The following KCNIP4 variants were observed in gnomAD, a reference collection of about 807,000 sequenced individuals.
KCNIP4 encodes potassium voltage-gated channel interacting protein 4.
In KCNIP4, 12 loss-of-function variants were observed where a neutral mutation model predicts 34.0. The observed-to-expected ratio is 0.35, with a 90% confidence interval of 0.23 to 0.57. The LOEUF (loss-of-function observed/expected upper bound fraction) is 0.57. Among genes scored for constraint, KCNIP4 ranks in the 20% least tolerant of loss-of-function variants. The probability of loss-of-function intolerance (pLI) is 0.83; values close to 1 mark genes in which losing one functional copy is unlikely to be tolerated. For synonymous variants in KCNIP4, 124 were observed against 102.2 expected, an observed-to-expected ratio of 1.21 and a Z score of -1.29; for missense variants, 238 against 311.7, an observed-to-expected ratio of 0.76 and a Z score of 1.78.
intron 1 of KCNIP4, among the ~76,000 whole-genome samples, chr4:21,758,556 A>T (rs141469872): frequency 6.6e-6 from 1 of 152,170 alleles, no homozygotes; most frequent in Admixed American, 6.5e-5. Context: ...TCAGATTTTA[A>T]TAGGCATACT....
At chr4:21,518,421 A>G (rs1303673216) in intron 1 of KCNIP4, among the ~76,000 whole-genome samples, 1 of 152,124 alleles carries the variant, frequency 6.6e-6, no homozygotes, top group East Asian at 1.9e-4. Flanking sequence ...CTAATCATCA[A>G]GGAAACACAT....
At chr4:21,699,657 G>A (rs1712668416) in intron 1 of KCNIP4, among the ~76,000 whole-genome samples, 1 of 152,154 alleles carries the variant, frequency 6.6e-6, no homozygotes, top group African/African-American at 2.4e-5. Flanking sequence ...GCATCCTTAA[G>A]GAACAGAGAG....
chr4:21,615,591 A>C (rs941827232), intron 1 of KCNIP4, among the ~76,000 whole-genome samples: 3 of 152,116 alleles, frequency 2.0e-5, no homozygotes, highest in African/African-American at 7.2e-5. Context: ...AAAGTAACAA[A>C]TATTCTAGAT....
At chr4:21,849,817 A>T (rs899528000) in intron 1 of KCNIP4, 1 of 152,102 alleles carries the variant, frequency 6.6e-6, no homozygotes, top group African/African-American at 2.4e-5. Context: ...AATTAATTAC[A>T]TATTATCAAA....
chr4:21,785,662 C>G (rs1440142717), intron 1 of KCNIP4, among the ~76,000 whole-genome samples: 2 of 151,750 alleles, frequency 1.3e-5, no homozygotes, highest in East Asian at 3.9e-4. Flanking sequence ...CTCCCTTTAC[C>G]CAGCCCTAAG....
intron 1 of KCNIP4, among the ~76,000 whole-genome samples, chr4:20,966,140 G>C (rs1184345503): frequency 6.6e-6 from 1 of 152,140 alleles, no homozygotes; most frequent in African/African-American, 2.4e-5. Context: ...ATAGATGTAG[G>C]ATTTGGATGT....
At chr4:21,687,997 T>C (rs918975461) in intron 1 of KCNIP4, among the ~76,000 whole-genome samples, 1 of 152,210 alleles carries the variant, frequency 6.6e-6, no homozygotes, top group Non-Finnish European at 1.5e-5. Context: ...CTTGGCTCCC[T>C]GTGAGATACT....
intron 1 of KCNIP4, among the ~76,000 whole-genome samples, chr4:21,511,487 G>A (rs1734309051): frequency 6.6e-6 from 1 of 151,674 alleles, no homozygotes; most frequent in Admixed American, 6.5e-5. Flanking sequence ...ATGAAAAAGT[G>A]TATATTTCCA....
At chr4:21,332,522 C>T (rs1449985669) in intron 1 of KCNIP4, among the ~76,000 whole-genome samples, 1 of 151,950 alleles carries the variant, frequency 6.6e-6, no homozygotes, top group Non-Finnish European at 1.5e-5. Context: ...AACCTCCCTT[C>T]AATCCCCTCT....
chr4:21,084,816 A>G (rs901529082), intron 1 of KCNIP4, among the ~76,000 whole-genome samples: 3 of 151,346 alleles, frequency 2.0e-5, no homozygotes, highest in Non-Finnish European at 4.4e-5. Context: ...ATTTATTCTC[A>G]ACACATGTTT....
chr4:21,341,000 T>A (rs771563358), intron 1 of KCNIP4, among the ~76,000 whole-genome samples: 6 of 152,116 alleles, frequency 3.9e-5, no homozygotes, highest in Admixed American at 6.6e-5. Flanking sequence ...ATTAGTTTTG[T>A]GGATGGATGG....
intron 1 of KCNIP4, among the ~76,000 whole-genome samples, chr4:21,124,315 G>A (rs1267645028): frequency 6.6e-6 from 1 of 152,132 alleles, no homozygotes; most frequent in Non-Finnish European, 1.5e-5. Context: ...CCCTGATGGT[G>A]TCTCAGAGAT....
intron 1 of KCNIP4, among the ~76,000 whole-genome samples, chr4:21,446,173 G>T (rs1449880602): frequency 6.6e-6 from 1 of 152,162 alleles, no homozygotes; most frequent in Admixed American, 6.5e-5. Context: ...TATGCTGTTG[G>T]TGGGACTGTA....
At chr4:21,557,781 A>G (rs1347752133) in intron 1 of KCNIP4, among the ~76,000 whole-genome samples, 3 of 152,144 alleles carry the variant, frequency 2.0e-5, no homozygotes, top group Admixed American at 2.0e-4. Context: ...AATGATTTAA[A>G]TTGATACACA....
Position 21,294,146 on chromosome 4 carries a change from C to T in KCNIP4, c.62-411437G>A, listed in dbSNP as rs114797826. ...TGCCTGACATATGCTCAACAAAGTG[C>T]TCATTAAGGTGTGTTTGATATTATT... On this transcript the variant is annotated intron_variant, in intron 1 of 8. Coordinates refer to ENST00000382152, the MANE Select transcript of KCNIP4 (RefSeq NM_025221.6). 1.6e-3 allele frequency among the ~76,000 whole-genome samples: 245 copies of T among 152,260 alleles called. 1 individual carries two copies. The highest frequency in any genetic ancestry group is 5.7e-3 in the African/African-American group (237 of 41,546).
At chr4:21,237,997 C>T (rs1299871995) in intron 1 of KCNIP4, among the ~76,000 whole-genome samples, 6 of 151,924 alleles carry the variant, frequency 3.9e-5, no homozygotes, top group Admixed American at 6.6e-5. Context: ...ACTGGCAAAC[C>T]GAATCCAGCA....
At chr4:21,236,030 C>T (rs1311315676) in intron 1 of KCNIP4, among the ~76,000 whole-genome samples, 4 of 152,102 alleles carry the variant, frequency 2.6e-5, no homozygotes, top group African/African-American at 9.7e-5. Context: ...CACGGTGGCT[C>T]ATGCCTGTAA....
At chr4:21,377,429 G>A (rs1371506162) in intron 1 of KCNIP4, among the ~76,000 whole-genome samples, 1 of 152,164 alleles carries the variant, frequency 6.6e-6, no homozygotes, top group Non-Finnish European at 1.5e-5. Context: ...AATCATGAAA[G>A]ACACTCCTTG....
intron 1 of KCNIP4, among the ~76,000 whole-genome samples, chr4:21,222,804 A>G (rs1360200392): frequency 6.6e-6 from 1 of 152,174 alleles, no homozygotes; most frequent in African/African-American, 2.4e-5. Context: ...TTTTTATGCC[A>G]GTTTTTCACA....
Sources: gnomAD v4.1 joint callset for allele counts (sites outside exome capture counted in the v4.1 genomes callset) on GRCh38, gnomAD v4.1.1 for gene constraint, MANE v1.5 for transcripts, NCBI Gene and HGNC (gene_info 2026-07-23, HGNC 2026-07-21) for gene names.